GRAMD2A: variants seen among roughly 807,000 people sequenced by gnomAD.
The protein encoded by GRAMD2A is GRAM domain containing 2A.
A neutral mutation model predicts 51.1 loss-of-function variants in GRAMD2A; 37 were observed. That is an observed-to-expected ratio of 0.72 (90% CI 0.56 to 0.95). The LOEUF (loss-of-function observed/expected upper bound fraction) is 0.95. Ranked by LOEUF, GRAMD2A falls within the 40% of genes least tolerant of loss-of-function variation. GRAMD2A has a pLI of 0.00. For missense variants in GRAMD2A, 414 were observed against 426.9 expected, an observed-to-expected ratio of 0.97 and a Z score of 0.27; for synonymous variants, 136 against 157.1, an observed-to-expected ratio of 0.87 and a Z score of 1.01.
At chr15:72,178,852 T>G (rs186914267) in intron 1 of GRAMD2A, among the ~76,000 whole-genome samples, 120 of 152,184 alleles carry the variant, frequency 7.9e-4, no homozygotes, top group African/African-American at 2.4e-3. Context: ...GGGATTACAG[T>G]TGTGAGCCAC....
rs574618683 is a variant in GRAMD2A, at chr15:72,161,683, G to A, written c.*326C>T. The stretch of plus-strand genomic sequence containing the variant: ...AGTGTTCTGCCTGTGTGCCAGAACT[G>A]TTTCCAAGGACCCAGTTTGTTTGTT... On this transcript the variant is annotated 3_prime_UTR_variant, in exon 12 of 12. Transcript: ENST00000309731. 17 of 365,508 alleles carry A rather than the reference G, an allele frequency of 4.7e-5. No individual in the cohort carries two copies. The highest frequency in any genetic ancestry group is 2.3e-4 in the African/African-American group (11 of 47,828). The allele number at this position is 365,508 out of a possible 1,614,324, so 22.6% of individuals were successfully genotyped here.
chr15:72,165,216 G>A, intron 8 of GRAMD2A, 138 bp downstream of exon 8: 1 of 733,078 alleles, frequency 1.4e-6, no homozygotes, highest in East Asian at 2.5e-5. Context: ...TTTAAGAGAT[G>A]CCCTGGCATA....
intron 1 of GRAMD2A, among the ~76,000 whole-genome samples, chr15:72,177,838 A>G (rs1016443472): frequency 3.9e-5 from 6 of 152,108 alleles, no homozygotes; most frequent in African/African-American, 1.4e-4. Flanking sequence ...AGAGATTCTC[A>G]TGTATCAGCC....
Position 72,163,253 on chromosome 15 carries a change from T to G in GRAMD2A, c.956+13A>C, listed in dbSNP as rs374405065. 6.2e-5 allele frequency: 100 copies of G among 1,600,596 alleles called. No homozygotes were observed. Among genetic ancestry groups the G allele is most frequent in the Non-Finnish European group, 8.3e-5 (97 of 1,167,918 alleles). ...CAGGTGGGTCTGTCCCCCTCCCCAG[T>G]ATAGTCACTTACAGCACAAAGAAGA... On this transcript the variant is annotated intron_variant, in intron 10 of 11. Transcript: ENST00000309731.
rs2081548306 is a variant in GRAMD2A, at chr15:72,166,647, G to A, written c.528C>T (p.Val176=). Residue 176 remains valine, a synonymous_variant, in exon 7 of 12, where the codon GTC becomes GTT. Coordinates refer to ENST00000309731, the MANE Select transcript of GRAMD2A (RefSeq NM_001012642.3). This position sits in a 1 kb window ranked among gnomAD's most constrained non-coding sequence, Gnocchi z 4.1. ...AGCTCCATACCTGTAGGTGGGTGCA[G>A]ACTCTCCTCAGCAGGTCATATACAC... ...RDSVYDLLRR[V]CTHLQPSSKK... is the part of the protein sequence containing the mutation. 1 of 1,613,576 alleles carries A rather than the reference G, an allele frequency of 6.2e-7. No homozygotes were observed.
intron 1 of GRAMD2A, among the ~76,000 whole-genome samples, chr15:72,192,506 A>G (rs1477667650): frequency 2.6e-5 from 4 of 152,256 alleles, no homozygotes; most frequent in Non-Finnish European, 5.9e-5. Context: ...AGAAATATCT[A>G]AACTTTTTTC....
At chr15:72,190,826 A>G (rs1475295033) in intron 1 of GRAMD2A, among the ~76,000 whole-genome samples, 16 of 152,204 alleles carry the variant, frequency 1.1e-4, no homozygotes, top group Admixed American at 3.9e-4. Flanking sequence ...CCCAAATGAT[A>G]GAAAATACTC....
intron 1 of GRAMD2A, among the ~76,000 whole-genome samples, chr15:72,178,785 A>G (rs904663641): frequency 8.6e-5 from 13 of 151,834 alleles, no homozygotes; most frequent in African/African-American, 2.7e-4. Context: ...CGTGTTAGCC[A>G]GGATGGTCTT....
intron 4 of GRAMD2A, 110 bp from the exon 5 acceptor site, chr15:72,167,949 C>T: frequency 1.3e-6 from 1 of 741,748 alleles, no homozygotes; most frequent in Non-Finnish European, 2.4e-6. Flanking sequence ...GACCTGTCTT[C>T]CTCAGACTCC....
chr15:72,192,591 C>T (rs775829740), intron 1 of GRAMD2A, among the ~76,000 whole-genome samples: 34 of 152,090 alleles, frequency 2.2e-4, no homozygotes, highest in Non-Finnish European at 3.2e-4. Flanking sequence ...CGCTGCTGTG[C>T]GGTGGGTAAG....
At chr15:72,192,080 A>G (rs1329597745) in intron 1 of GRAMD2A, among the ~76,000 whole-genome samples, 1 of 152,258 alleles carries the variant, frequency 6.6e-6, no homozygotes, top group Non-Finnish European at 1.5e-5. Context: ...TTATAGATAT[A>G]CATTGAAATA....
At chr15:72,193,826 G>C (rs542507628) in intron 1 of GRAMD2A, among the ~76,000 whole-genome samples, 2 of 152,124 alleles carry the variant, frequency 1.3e-5, no homozygotes, top group East Asian at 3.8e-4. Context: ...GCGCCAGGCC[G>C]TGCATTTCTA....
chr15:72,165,937 C>T (rs910099650), intron 7 of GRAMD2A, among the ~76,000 whole-genome samples: 2 of 151,930 alleles, frequency 1.3e-5, no homozygotes, highest in East Asian at 1.9e-4. Flanking sequence ...GGTGCAATCT[C>T]GGCTCACTAC....
chr15:72,181,677 C>T (rs141929413), intron 1 of GRAMD2A, among the ~76,000 whole-genome samples: 48 of 152,304 alleles, frequency 3.2e-4, no homozygotes, highest in African/African-American at 1.1e-3. Flanking sequence ...AGATTTCTGG[C>T]TTAAGCGAGT....
In GRAMD2A at chr15:72,166,061, G is replaced by T. The variant is rs1176825117; in HGVS notation, c.543+571C>A. ...TTTTTGTATTTTTAGTAAAGACAGG[G>T]TTTCACTACGTTGGCCAGGCTGGTC... On this transcript the variant is annotated intron_variant, in intron 7 of 11. Coordinates refer to ENST00000309731, the MANE Select transcript of GRAMD2A (RefSeq NM_001012642.3). The surrounding 1 kb of genome is among the most constrained non-coding windows in gnomAD (Gnocchi z 4.1). 6.6e-6 allele frequency among the ~76,000 whole-genome samples: 1 copy of T among 152,082 alleles called. No homozygotes were observed. The highest frequency in any genetic ancestry group is 1.5e-5 in the Non-Finnish European group (1 of 68,018).
At chr15:72,164,017 C>A in intron 8 of GRAMD2A, 1 of 424,408 alleles carries the variant, frequency 2.4e-6, no homozygotes, top group Non-Finnish European at 4.2e-6. Context: ...ACAGTGGGAT[C>A]TTAGATGTGA....
At chr15:72,185,938 C>T (rs1237484352) in intron 1 of GRAMD2A, among the ~76,000 whole-genome samples, 2 of 152,122 alleles carry the variant, frequency 1.3e-5, no homozygotes, top group Admixed American at 1.3e-4. Flanking sequence ...TTTTAAATAT[C>T]AGGAAAAGTT....
intron 1 of GRAMD2A, among the ~76,000 whole-genome samples, chr15:72,182,732 AT>A (rs1229547518): frequency 6.6e-6 from 1 of 152,200 alleles, no homozygotes; most frequent in Non-Finnish European, 1.5e-5. Context: ...TAAATTGGGT[AT>A]CTAGAGTAGT....
intron 8 of GRAMD2A, among the ~76,000 whole-genome samples, chr15:72,164,803 C>T (rs1261479493): frequency 1.3e-5 from 2 of 152,160 alleles, no homozygotes; most frequent in Non-Finnish European, 2.9e-5. Context: ...GCAGCCCAAC[C>T]TGGCCAGTGT....
Sources: gnomAD v4.1 joint callset for allele counts (sites outside exome capture counted in the v4.1 genomes callset) on GRCh38, gnomAD v4.1.1 for gene constraint, Gnocchi (gnomAD v3.1) non-coding constraint, MANE v1.5 for transcripts, NCBI Gene and HGNC (gene_info 2026-07-23, HGNC 2026-07-21) for gene names.